The following MFHAS1 variants were observed in gnomAD, a reference collection of about 807,000 sequenced individuals.
MFHAS1 encodes multifunctional ROCO family signaling regulator 1.
MFHAS1 carries 50 observed loss-of-function variants against 70.4 expected under a neutral mutation model. The observed-to-expected ratio is 0.71, with a 90% CI of 0.57 to 0.90. The LOEUF is 0.90. Among genes scored for constraint, MFHAS1 ranks in the 40% least tolerant of loss-of-function variants. MFHAS1 has a pLI of 0.00. For synonymous variants in MFHAS1, 952 were observed against 620.0 expected (o/e 1.54, Z -7.96); for missense variants, 1,795 against 1,347.6 (o/e 1.33, Z -5.20).
rs982334548 is a variant in MFHAS1 at position 8,846,869 on chromosome 8, C to T, written c.2998+43192G>A. On this transcript the variant is annotated intron_variant, in intron 1 of 2. Transcript: ENST00000276282. ...GTCTCTCATCACAAGTATGTAAAAC[C>T]CATAAAAACAATGACTTTGTGCAGT... Among the ~76,000 whole-genome samples the T allele has an allele frequency of 2.6e-4, 39 of 152,132 alleles. 1 individual carries two copies. Among genetic ancestry groups the T allele is most frequent in the African/African-American group, 8.0e-4 (33 of 41,416 alleles).
At chr8:8,880,931 T>C (rs1235578185) in intron 1 of MFHAS1, among the ~76,000 whole-genome samples, 1 of 151,932 alleles carries the variant, frequency 6.6e-6, no homozygotes, top group African/African-American at 2.4e-5. Flanking sequence ...GTGATCCACC[T>C]CCTCAGCCTC....
Position 8,783,679 on chromosome 8 carries a change from T to TA in MFHAS1, c.*2342_*2343insT, listed in dbSNP as rs1805437180. 6.6e-6 allele frequency: 1 copy of TA among 152,218 alleles called. No homozygotes were observed. Among genetic ancestry groups the TA allele is most frequent in the South Asian group, 2.1e-4 (1 of 4,828 alleles). The allele number at this position is 152,218 out of a possible 1,614,324, so 9.4% of individuals were successfully genotyped here. ...AACCCTAACAAACTTGGAGGGCATT[T>TA]GTTTGAGAGGCAAGGGACGCCTTGC... is the stretch of plus-strand genomic sequence containing the variant. On this transcript the variant is annotated 3_prime_UTR_variant, in exon 3 of 3. Transcript: ENST00000276282.
intron 1 of MFHAS1, among the ~76,000 whole-genome samples, chr8:8,837,051 G>C (rs1228726023): frequency 2.0e-5 from 3 of 152,140 alleles, no homozygotes; most frequent in Admixed American, 6.5e-5. Context: ...TGCAATGGCG[G>C]AACTTGTGAC....
At chr8:8,804,668 C>A (rs529598389) in intron 1 of MFHAS1, among the ~76,000 whole-genome samples, 16 of 152,280 alleles carry the variant, frequency 1.1e-4, no homozygotes, top group Admixed American at 9.8e-4. Context: ...AAGCATCCTC[C>A]AAAGTGGTGA....
Position 8,893,101 on chromosome 8 carries a change from C to T in MFHAS1, c.-43G>A. ...ACAGCCTCACGCGGACGCGGGAGCC[C>T]GCAGCTACATGCCGCGCCGCGCCCC... On this transcript the variant is annotated 5_prime_UTR_variant, in exon 1 of 3. Transcript: ENST00000276282. The T allele has an allele frequency of 2.2e-6, 3 of 1,376,104 alleles. No individual in the cohort carries two copies. Among genetic ancestry groups the T allele is most frequent in the Non-Finnish European group, 2.8e-6 (3 of 1,057,456 alleles). The allele number at this position is 1,376,104 out of a possible 1,614,324, so 85.2% of individuals were successfully genotyped here.
At chr8:8,830,142 T>A (rs575052179) in intron 1 of MFHAS1, among the ~76,000 whole-genome samples, 58 of 152,198 alleles carry the variant, frequency 3.8e-4, no homozygotes, top group Non-Finnish European at 5.6e-4. Context: ...AGGACACATA[T>A]ATGAGGTGGC....
At position 8,891,106 on chromosome 8, in the gene MFHAS1, G is replaced by A. The variant is rs201593143; in HGVS notation, c.1953C>T (p.Ile651=). 2 of 1,613,932 alleles carry A rather than the reference G, an allele frequency of 1.2e-6. No homozygotes were observed. Among genetic ancestry groups the A allele is most frequent in the East Asian group, 2.2e-5 (1 of 44,880 alleles). Residue 651 remains isoleucine, a synonymous_variant, in exon 1 of 3, where the codon ATC becomes ATT. Transcript: ENST00000276282. This position sits in a 1 kb window ranked among gnomAD's most constrained non-coding sequence, Gnocchi z 5.4. Reference sequence around the variant, plus strand: ...GCAGTACTCTGTGTAAGTTGGGGAAGATCTCTCGGTGCTCAGCAACTGACA... The same window carrying A: ...GCAGTACTCTGTGTAAGTTGGGGAAAATCTCTCGGTGCTCAGCAACTGACA... The part of the protein sequence containing the change: ...KLLSVAEHRE[I]FPNLHRVLPR...
chr8:8,820,452 A>G (rs563136120), intron 1 of MFHAS1, among the ~76,000 whole-genome samples: 1 of 152,352 alleles, frequency 6.6e-6, no homozygotes, highest in South Asian at 2.1e-4. Context: ...CAGTCAGGTT[A>G]GCGTGAGAAT....
chr8:8,861,833 G>A (rs190108536), intron 1 of MFHAS1, among the ~76,000 whole-genome samples: 10 of 152,222 alleles, frequency 6.6e-5, no homozygotes, highest in Admixed American at 3.3e-4. Context: ...ATATGTACTC[G>A]ACTGGCTTCT....
intron 1 of MFHAS1, among the ~76,000 whole-genome samples, chr8:8,829,614 G>A (rs1021992612): frequency 6.6e-6 from 1 of 152,204 alleles, no homozygotes; most frequent in Non-Finnish European, 1.5e-5. Flanking sequence ...CCAGTAGGTG[G>A]AGGTTGCAGT....
At chr8:8,799,728 C>G (rs1214288986) in intron 1 of MFHAS1, among the ~76,000 whole-genome samples, 1 of 152,238 alleles carries the variant, frequency 6.6e-6, no homozygotes, top group Non-Finnish European at 1.5e-5. Flanking sequence ...TGCACTCCAA[C>G]CCGGGCGACA....
At chr8:8,815,551 T>C (rs1267725073) in intron 1 of MFHAS1, among the ~76,000 whole-genome samples, 7 of 152,236 alleles carry the variant, frequency 4.6e-5, no homozygotes, top group African/African-American at 1.2e-4. Flanking sequence ...TTTTTAATAA[T>C]TGCCATTCTG....
At chr8:8,844,564 C>T (rs1413348749) in intron 1 of MFHAS1, among the ~76,000 whole-genome samples, 1 of 152,224 alleles carries the variant, frequency 6.6e-6, no homozygotes, top group Admixed American at 6.5e-5. Context: ...TCTGCAGAGG[C>T]AGGGCTGGCT....
At chr8:8,815,291 C>T (rs4841046) in intron 1 of MFHAS1, among the ~76,000 whole-genome samples, 88,773 of 152,000 alleles carry the variant, frequency 0.58, 28,070 homozygotes, top group East Asian at 0.85. Context: ...GTTGATTCCA[C>T]GTCTTTGTTA....
In MFHAS1 at chr8:8,890,122, G is replaced by T. The variant is rs759096133; in HGVS notation, c.2937C>A (p.Thr979=). The T allele has an allele frequency of 6.2e-7, 1 of 1,614,040 alleles. No homozygotes were observed. The highest frequency in any genetic ancestry group is 8.5e-7 in the Non-Finnish European group (1 of 1,179,980). ...GGCACTTAGAACAGAGAATGTGCAC[G>T]GTGTAGTGCAGTCCAGGCCATTCCT... ...LLQEWPGLHY[T]VHILCSKCLK... is the part of the protein sequence containing the mutation. The change falls in exon 1 of 3, where the codon ACC becomes ACA. Residue 979 remains threonine, a synonymous_variant. Transcript: ENST00000276282.
chr8:8,867,641 T>C (rs1388868706), intron 1 of MFHAS1, among the ~76,000 whole-genome samples: 2 of 151,486 alleles, frequency 1.3e-5, no homozygotes, highest in Non-Finnish European at 2.9e-5. Flanking sequence ...CACCAAAAGC[T>C]CCGCCTCCCG....
At chr8:8,866,330 T>G (rs187216066) in intron 1 of MFHAS1, among the ~76,000 whole-genome samples, 38 of 151,928 alleles carry the variant, frequency 2.5e-4, no homozygotes, top group African/African-American at 8.7e-4. Flanking sequence ...TTTTTTTTTT[T>G]TCTTTTTTGA....
intron 2 of MFHAS1, among the ~76,000 whole-genome samples, chr8:8,786,920 A>ACAAAG (rs1413711277): frequency 6.6e-6 from 1 of 151,968 alleles, no homozygotes; most frequent in Non-Finnish European, 1.5e-5. Context: ...CATCACCAAA[A>ACAAAG]CAAAGCAAAG....
chr8:8,783,841 T>G lies in MFHAS1; in HGVS notation c.*2181A>C, dbSNP rs758164637. ...GTCCTGTAGAGCAGAGTGATTTTTGTATCTCCAACCCTCCTCCCAACTTGA... is the reference window on the plus strand; with the variant it reads ...GTCCTGTAGAGCAGAGTGATTTTTGGATCTCCAACCCTCCTCCCAACTTGA... On this transcript the variant is annotated 3_prime_UTR_variant, in exon 3 of 3. Coordinates refer to ENST00000276282, the MANE Select transcript of MFHAS1 (RefSeq NM_004225.3). The G allele has an allele frequency of 6.6e-6, 1 of 152,192 alleles. No homozygotes were observed. Among genetic ancestry groups the G allele is most frequent in the Admixed American group, 6.5e-5 (1 of 15,280 alleles). The allele number at this position is 152,192 out of a possible 1,614,324, so 9.4% of individuals were successfully genotyped here.
Sources: gnomAD v4.1 joint callset for allele counts (sites outside exome capture counted in the v4.1 genomes callset) on GRCh38, gnomAD v4.1.1 for gene constraint, Gnocchi (gnomAD v3.1) non-coding constraint, MANE v1.5 for transcripts, NCBI Gene and HGNC (gene_info 2026-07-23, HGNC 2026-07-21) for gene names.